The following ARMH3 variants were observed in gnomAD, a reference collection of about 807,000 sequenced individuals.
ARMH3 encodes the protein armadillo-like helical domain-containing protein 3.
A neutral mutation model predicts 99.1 loss-of-function variants in ARMH3; 60 were observed. That is an observed-to-expected ratio of 0.61 (90% CI 0.49 to 0.75). The LOEUF (loss-of-function observed/expected upper bound fraction) is 0.75, where lower values mean the gene tolerates loss of function less well. Ranked by LOEUF, ARMH3 falls within the 30% of genes least tolerant of loss-of-function variation. The pLI is 0.00. For missense variants in ARMH3, 679 were observed against 843.1 expected (o/e 0.81, Z 2.41); for synonymous variants, 285 against 292.8 (o/e 0.97, Z 0.27).
chr10:101,936,164 C>T (rs140993276), intron 23 of ARMH3, among the ~76,000 whole-genome samples: 2 of 152,028 alleles, frequency 1.3e-5, no homozygotes, highest in East Asian at 1.9e-4. Flanking sequence ...AAGCAAAACA[C>T]CTTTCAAGGT....
intron 1 of ARMH3, among the ~76,000 whole-genome samples, chr10:102,050,516 C>G (rs2067675174): frequency 6.6e-6 from 1 of 152,090 alleles, no homozygotes; most frequent in South Asian, 2.1e-4. Flanking sequence ...AGTTACACTT[C>G]TATAGAAACT....
rs532461256 is a variant in ARMH3 at position 102,031,997 on chromosome 10, C to T, written c.306+1029G>A. 1.8e-4 allele frequency among the ~76,000 whole-genome samples: 27 copies of T among 152,328 alleles called. No homozygotes were observed. In the South Asian group the frequency reaches 2.1e-3, roughly 12 times the overall value. Reference sequence around the variant, plus strand: ...TCGTGATCCTCCCGCCTTGGCCTCCCAAAGTGCTCGGATTACAGGCATGAG... The same window carrying T: ...TCGTGATCCTCCCGCCTTGGCCTCCTAAAGTGCTCGGATTACAGGCATGAG... On this transcript the variant is annotated intron_variant, in intron 4 of 25. Coordinates refer to ENST00000370033, the MANE Select transcript of ARMH3 (RefSeq NM_024541.3).
At chr10:101,914,938 C>A (rs1314000761) in intron 23 of ARMH3, among the ~76,000 whole-genome samples, 1 of 143,216 alleles carries the variant, frequency 7.0e-6, no homozygotes, top group Non-Finnish European at 1.5e-5. Context: ...CCTATTAAAA[C>A]TTATTTTTAC....
chr10:101,958,962 T>A (rs1845162644), intron 20 of ARMH3, among the ~76,000 whole-genome samples: 1 of 152,172 alleles, frequency 6.6e-6, no homozygotes, highest in Non-Finnish European at 1.5e-5. Context: ...ACATTCTGTT[T>A]CTAAAGCCTG....
chr10:101,848,511 T>C (rs1045987245), intron 25 of ARMH3, among the ~76,000 whole-genome samples: 2 of 152,136 alleles, frequency 1.3e-5, no homozygotes, highest in Non-Finnish European at 2.9e-5. Context: ...GGAGAGTGTG[T>C]CTGCCCTGGG....
At chr10:101,856,925 T>G (rs2066750299) in intron 24 of ARMH3, among the ~76,000 whole-genome samples, 1 of 152,198 alleles carries the variant, frequency 6.6e-6, no homozygotes, top group African/African-American at 2.4e-5. Flanking sequence ...ATAATGAGTT[T>G]GTTCCACAGC....
intron 19 of ARMH3, among the ~76,000 whole-genome samples, chr10:101,987,737 T>A (rs765159894): frequency 6.6e-5 from 10 of 152,302 alleles, no homozygotes; most frequent in Non-Finnish European, 1.3e-4. Flanking sequence ...CTGCCATGCC[T>A]ACCAACCCTA....
At chr10:101,866,382 CAAG>C (rs1468628946) in intron 24 of ARMH3, among the ~76,000 whole-genome samples, 2 of 150,254 alleles carry the variant, frequency 1.3e-5, no homozygotes, top group Non-Finnish European at 2.9e-5. Flanking sequence ...CAGAGCATTA[CAAG>C]AAGAGGCTGA....
intron 24 of ARMH3, among the ~76,000 whole-genome samples, chr10:101,878,078 C>T (rs1017702005): frequency 3.3e-5 from 5 of 151,842 alleles, no homozygotes; most frequent in East Asian, 1.9e-4. Context: ...GCCAACATGG[C>T]GAAACCCTGT....
At chr10:101,921,899 A>G (rs1843321723) in intron 23 of ARMH3, among the ~76,000 whole-genome samples, 1 of 152,174 alleles carries the variant, frequency 6.6e-6, no homozygotes. Flanking sequence ...AGATAGAAGG[A>G]ATACGTTCTA....
intron 1 of ARMH3, among the ~76,000 whole-genome samples, chr10:102,045,221 G>A (rs140938452): frequency 6.9e-4 from 104 of 151,576 alleles, no homozygotes; most frequent in African/African-American, 2.3e-3. Context: ...TCATTCATTC[G>A]ACAAATTTTT....
intron 24 of ARMH3, among the ~76,000 whole-genome samples, chr10:101,855,278 C>T (rs113734914): frequency 2.0e-5 from 3 of 147,278 alleles, no homozygotes; most frequent in Non-Finnish European, 4.5e-5. Flanking sequence ...ATGTTGGCCA[C>T]GCTGGTCTTG....
At chr10:101,930,590 G>A (rs1283424467) in intron 23 of ARMH3, among the ~76,000 whole-genome samples, 4 of 152,146 alleles carry the variant, frequency 2.6e-5, no homozygotes, top group Admixed American at 1.3e-4. Context: ...TCAAAGGACT[G>A]AAAGTGATAG....
At chr10:101,947,275 C>G (rs1844576256) in intron 22 of ARMH3, among the ~76,000 whole-genome samples, 1 of 151,982 alleles carries the variant, frequency 6.6e-6, no homozygotes, top group African/African-American at 2.4e-5. Context: ...TTTTCAGAAA[C>G]CATGGAGGCC....
chr10:101,878,091 C>T (rs1014616876), intron 24 of ARMH3, among the ~76,000 whole-genome samples: 1 of 152,026 alleles, frequency 6.6e-6, no homozygotes, highest in Non-Finnish European at 1.5e-5. Flanking sequence ...AACCCTGTCT[C>T]TACTAAAAAT....
intron 10 of ARMH3, 36 bp from the exon 11 acceptor site, chr10:102,011,819 T>C: frequency 1.9e-6 from 3 of 1,539,550 alleles, no homozygotes; most frequent in South Asian, 2.3e-5. Flanking sequence ...TTTAGGATTG[T>C]TTATCAATTA....
At chr10:101,894,219 G>A (rs1257892018) in intron 23 of ARMH3, among the ~76,000 whole-genome samples, 1 of 152,178 alleles carries the variant, frequency 6.6e-6, no homozygotes, top group African/African-American at 2.4e-5. Flanking sequence ...TCCTGGAGAT[G>A]CCAGGTGGAG....
At chr10:102,038,332 G>A (rs2067328209) in intron 2 of ARMH3, among the ~76,000 whole-genome samples, 1 of 151,952 alleles carries the variant, frequency 6.6e-6, no homozygotes, top group Non-Finnish European at 1.5e-5. Context: ...CTGACCTCGT[G>A]ATCCGCCCAC....
chr10:101,986,078 G>A (rs1460880962), intron 19 of ARMH3, among the ~76,000 whole-genome samples: 3 of 151,944 alleles, frequency 2.0e-5, no homozygotes, highest in Admixed American at 6.6e-5. Flanking sequence ...ACACACATAT[G>A]TATGTACTGG....
Sources: allele counts gnomAD v4.1 joint callset (sites outside exome capture counted in the v4.1 genomes callset), GRCh38; gene constraint gnomAD v4.1.1; transcripts MANE v1.5; gene names NCBI Gene and HGNC (gene_info 2026-07-23, HGNC 2026-07-21).